The following MYO16 variants were observed in gnomAD, a reference collection of about 807,000 sequenced individuals.
The protein encoded by MYO16 is unconventional myosin-XVI.
A neutral mutation model predicts 205.3 loss-of-function variants in MYO16; 94 were observed. That is an observed-to-expected ratio of 0.46 (90% CI 0.39 to 0.54). The LOEUF (loss-of-function observed/expected upper bound fraction) is 0.54, where lower values mean the gene tolerates loss of function less well. Ranked by LOEUF, MYO16 falls within the 20% of genes least tolerant of loss-of-function variation. The pLI, the probability that MYO16 is intolerant of heterozygous loss-of-function variation, is 0.00. For synonymous variants in MYO16, 988 were observed against 954.0 expected (o/e 1.04, Z -0.66); for missense variants, 2,315 against 2,387.5 (o/e 0.97, Z 0.63).
At chr13:108,952,151 AAATAAAT>A (rs1883179978) in intron 16 of MYO16, among the ~76,000 whole-genome samples, 1 of 144,164 alleles carries the variant, frequency 6.9e-6, no homozygotes, top group African/African-American at 2.6e-5. Context: ...ATAAATAAAT[AAATAAAT>A]AAAACGATAT....
At chr13:108,569,404 A>G in the MYO16 span, among the ~76,000 whole-genome samples, 1 of 151,972 alleles carries the variant, frequency 6.6e-6, no homozygotes, top group South Asian at 2.1e-4. Context: ...TAAATGTTTC[A>G]TTAGTTCTGA....
At chr13:108,993,876 G>A (rs886534480) in intron 21 of MYO16, among the ~76,000 whole-genome samples, 8 of 152,046 alleles carry the variant, frequency 5.3e-5, no homozygotes, top group Admixed American at 4.6e-4. Context: ...TTAGAAAACA[G>A]GCAAGCTTTC....
intron 23 of MYO16, among the ~76,000 whole-genome samples, chr13:109,023,709 A>ATACATATATATGTATATAT (rs571275985): frequency 5.6e-5 from 7 of 124,144 alleles, no homozygotes; most frequent in Admixed American, 2.8e-4. Context: ...ATATGTATAT[A>ATACATATATATGTATATAT]TACAAATATA....
At chr13:109,134,524 A>G (rs1379758324) in intron 31 of MYO16, among the ~76,000 whole-genome samples, 1 of 152,136 alleles carries the variant, frequency 6.6e-6, no homozygotes, top group Non-Finnish European at 1.5e-5. Flanking sequence ...ATCATCTGAA[A>G]GCTGGTCACG....
chr13:109,121,016 A>T (rs1000216551), intron 29 of MYO16, among the ~76,000 whole-genome samples: 1 of 152,176 alleles, frequency 6.6e-6, no homozygotes, highest in Non-Finnish European at 1.5e-5. Flanking sequence ...ACCACTGCAC[A>T]GCAACCTGGG....
chr13:109,183,499 T>C (rs984395437), intron 34 of MYO16, among the ~76,000 whole-genome samples: 5 of 152,224 alleles, frequency 3.3e-5, no homozygotes, highest in Admixed American at 1.3e-4. Flanking sequence ...ACACTTGACA[T>C]TGAGAAATGA....
intron 28 of MYO16, among the ~76,000 whole-genome samples, chr13:109,107,123 A>G (rs923514144): frequency 6.6e-6 from 1 of 152,192 alleles, no homozygotes; most frequent in Non-Finnish European, 1.5e-5. Context: ...GCATGCGTGT[A>G]TGTAAAAGAG....
At chr13:109,102,117 G>A (rs141851861) in intron 28 of MYO16, among the ~76,000 whole-genome samples, 195 of 151,470 alleles carry the variant, frequency 1.3e-3, no homozygotes, top group African/African-American at 4.2e-3. Context: ...AACTAATAAT[G>A]AAATTTGAAC....
chr13:108,559,344 C>A, the MYO16 span, among the ~76,000 whole-genome samples: 1 of 152,130 alleles, frequency 6.6e-6, no homozygotes, highest in Admixed American at 6.6e-5. Context: ...CCCCTAGAAT[C>A]TGCAGAGAGG....
At chr13:109,187,682 A>G (rs1402064800) in intron 34 of MYO16, among the ~76,000 whole-genome samples, 2 of 152,146 alleles carry the variant, frequency 1.3e-5, no homozygotes, top group East Asian at 1.9e-4. Flanking sequence ...TCTGCTGCTG[A>G]ATTCTAGTTT....
chr13:108,850,255 C>T (rs1434097675), intron 10 of MYO16, among the ~76,000 whole-genome samples: 1 of 152,204 alleles, frequency 6.6e-6, no homozygotes. Flanking sequence ...ACATGTGCTA[C>T]CAACCTCCCA....
intron 16 of MYO16, among the ~76,000 whole-genome samples, chr13:108,940,577 A>G (rs1290237613): frequency 6.6e-6 from 1 of 152,246 alleles, no homozygotes; most frequent in Non-Finnish European, 1.5e-5. Context: ...AGGGAAGTCC[A>G]TTTAGAAGTA....
intron 4 of MYO16, among the ~76,000 whole-genome samples, chr13:108,771,601 G>A (rs551759929): frequency 1.3e-5 from 2 of 152,188 alleles, no homozygotes; most frequent in South Asian, 4.2e-4. Flanking sequence ...ACAGAAATTT[G>A]CGGAGTGTTT....
intron 1 of MYO16, among the ~76,000 whole-genome samples, chr13:108,611,103 T>C (rs1879157485): frequency 6.6e-6 from 1 of 152,190 alleles, no homozygotes; most frequent in Admixed American, 6.6e-5. Context: ...TCTGCCTAAA[T>C]TTGAAAGAGG....
chr13:108,805,826 C>G (rs1040242394), intron 6 of MYO16, among the ~76,000 whole-genome samples: 4 of 151,632 alleles, frequency 2.6e-5, no homozygotes, highest in Admixed American at 1.3e-4. Context: ...ATGCCTGTAA[C>G]CCCAGCACTT....
chr13:108,900,299 T>A (rs1880646126), intron 15 of MYO16, among the ~76,000 whole-genome samples: 1 of 152,134 alleles, frequency 6.6e-6, no homozygotes, highest in Non-Finnish European at 1.5e-5. Context: ...GAACACTTGG[T>A]CCCTCACATC....
At chr13:108,500,094 C>T in the MYO16 span, among the ~76,000 whole-genome samples, 1 of 151,934 alleles carries the variant, frequency 6.6e-6, no homozygotes, top group East Asian at 1.9e-4. Flanking sequence ...ACGTCTGCAT[C>T]TCCAGTCCTG....
chr13:108,562,448 T>C, the MYO16 span, among the ~76,000 whole-genome samples: 1 of 152,158 alleles, frequency 6.6e-6, no homozygotes, highest in Non-Finnish European at 1.5e-5. Flanking sequence ...AAAGGGATGA[T>C]TCATTTTAGA....
At chr13:108,626,611 C>G (rs565184688), upstream of MYO16, among the ~76,000 whole-genome samples, 1 of 152,042 alleles carries the variant, frequency 6.6e-6, no homozygotes, top group East Asian at 1.9e-4. Context: ...CCTGACCAGC[C>G]TGACTAACAT....
Sources: allele counts gnomAD v4.1 joint callset (sites outside exome capture counted in the v4.1 genomes callset), GRCh38; gene constraint gnomAD v4.1.1; transcripts MANE v1.5; gene names NCBI Gene and HGNC (gene_info 2026-07-23, HGNC 2026-07-21).